AHI1: variants seen among roughly 807,000 people sequenced by gnomAD.
The protein encoded by AHI1 is jouberin.
A neutral mutation model predicts 149.3 loss-of-function variants in AHI1; 123 were observed. That is an observed-to-expected ratio of 0.82 (90% CI 0.71 to 0.96). AHI1 has a LOEUF of 0.96. AHI1 is among the 40% of genes least tolerant of loss of function. AHI1 has a pLI of 0.00. For synonymous variants in AHI1, 475 were observed against 459.8 expected, an observed-to-expected ratio of 1.03 and a Z score of -0.42; for missense variants, 1,439 against 1,422.7, an observed-to-expected ratio of 1.01 and a Z score of -0.18.
intron 16 of AHI1, among the ~76,000 whole-genome samples, chr6:135,431,651 C>T (rs940952100): frequency 1.3e-5 from 2 of 152,116 alleles, no homozygotes; most frequent in Non-Finnish European, 2.9e-5. Context: ...CGACATGTAA[C>T]ATTATTTCTC....
intron 24 of AHI1, among the ~76,000 whole-genome samples, chr6:135,328,957 A>G (rs1788123804): frequency 6.6e-6 from 1 of 152,168 alleles, no homozygotes; most frequent in South Asian, 2.1e-4. Flanking sequence ...CATTCTCTTA[A>G]GCCAAAATCC....
chr6:135,376,823 A>G (rs1242520781), intron 23 of AHI1, among the ~76,000 whole-genome samples: 1 of 141,792 alleles, frequency 7.1e-6, no homozygotes, highest in Non-Finnish European at 1.5e-5. Context: ...CAAAGGTTGC[A>G]GTGAGCTGAG....
chr6:135,356,660 ATTCT>A (rs773360900), intron 24 of AHI1, among the ~76,000 whole-genome samples: 2 of 152,194 alleles, frequency 1.3e-5, no homozygotes, highest in Non-Finnish European at 2.9e-5. Context: ...CTTAATTGCC[ATTCT>A]TTAATTTTTT....
At chr6:135,302,731 G>A (rs1393856212) in intron 26 of AHI1, 1 of 1,277,508 alleles carries the variant, frequency 7.8e-7, no homozygotes, top group Non-Finnish European at 1.0e-6. Flanking sequence ...GGTCTCAGCA[G>A]CAGCACGTCA....
At chr6:135,458,114 A>G (rs1789269974) in intron 8 of AHI1, among the ~76,000 whole-genome samples, 1 of 152,240 alleles carries the variant, frequency 6.6e-6, no homozygotes. Flanking sequence ...AGCCAAATAA[A>G]TTACAAATAT....
intron 23 of AHI1, among the ~76,000 whole-genome samples, chr6:135,361,645 T>TCTCA (rs1554293263): frequency 6.1e-4 from 82 of 133,904 alleles, no homozygotes; most frequent in Non-Finnish European, 1.1e-4. Flanking sequence ...AGGTATGGTT[T>TCTCA]CACACACACA....
At chr6:135,376,386 G>C (rs1451649430) in intron 23 of AHI1, among the ~76,000 whole-genome samples, 1 of 152,116 alleles carries the variant, frequency 6.6e-6, no homozygotes, top group East Asian at 1.9e-4. Context: ...TTTTTACAAT[G>C]AAGAGATCTG....
intron 23 of AHI1, among the ~76,000 whole-genome samples, chr6:135,374,109 T>TATATATATATATATATA (rs1491273878): frequency 3.1e-4 from 8 of 25,462 alleles, no homozygotes; most frequent in African/African-American, 3.9e-4. Flanking sequence ...TATATATATA[T>TATATATATATATATATA]TTTTTTTTTT....
intron 5 of AHI1, among the ~76,000 whole-genome samples, chr6:135,479,490 C>CTAT (rs1259404701): frequency 6.6e-6 from 1 of 152,212 alleles, no homozygotes; most frequent in Non-Finnish European, 1.5e-5. Flanking sequence ...TGCATGGGGC[C>CTAT]TATAGCCCCT....
chr6:135,481,517 T>G (rs1793638445), intron 5 of AHI1, among the ~76,000 whole-genome samples: 1 of 152,066 alleles, frequency 6.6e-6, no homozygotes, highest in African/African-American at 2.4e-5. Context: ...TCTTGACCAT[T>G]TTGGATTTCA....
chr6:135,395,378 T>C (rs1235391464), intron 22 of AHI1, among the ~76,000 whole-genome samples: 1 of 151,920 alleles, frequency 6.6e-6, no homozygotes, highest in East Asian at 1.9e-4. Context: ...TAACCTAGCT[T>C]GCCATGTGAA....
chr6:135,391,953 TG>T (rs1328483996), intron 23 of AHI1, among the ~76,000 whole-genome samples: 3 of 152,158 alleles, frequency 2.0e-5, no homozygotes, highest in African/African-American at 7.2e-5. Context: ...TGTGGAATAC[TG>T]GGATTAGGAA....
chr6:135,401,299 C>T (rs1445197030), intron 22 of AHI1, among the ~76,000 whole-genome samples: 3 of 152,040 alleles, frequency 2.0e-5, no homozygotes, highest in African/African-American at 7.2e-5. Flanking sequence ...TATTTGTTTC[C>T]TTTTAAGATT....
At chr6:135,388,109 T>C (rs1028986361) in intron 23 of AHI1, 1 of 1,490,536 alleles carries the variant, frequency 6.7e-7, no homozygotes, top group Non-Finnish European at 9.2e-7. Context: ...ATAAAAGACA[T>C]TTAAGGGCAT....
chr6:135,423,455 T>A (rs1010149832), intron 20 of AHI1, among the ~76,000 whole-genome samples: 2 of 152,178 alleles, frequency 1.3e-5, no homozygotes, highest in African/African-American at 4.8e-5. Flanking sequence ...TAAAGGTACA[T>A]GTTGCCCTGA....
At chr6:135,421,173 C>A (rs998749080) in intron 20 of AHI1, among the ~76,000 whole-genome samples, 2 of 152,016 alleles carry the variant, frequency 1.3e-5, no homozygotes, top group Admixed American at 6.6e-5. Flanking sequence ...TACAATGTAA[C>A]ATCAAAAAGC....
At chr6:135,482,894 C>CTTTGTTTTTTTTTTTTT (rs1793901897) in intron 5 of AHI1, among the ~76,000 whole-genome samples, 1 of 55,734 alleles carries the variant, frequency 1.8e-5, no homozygotes, top group Non-Finnish European at 2.8e-5. Flanking sequence ...CCATTTAAGG[C>CTTTGTTTTTTTTTTTTT]TTTTTTTTTT....
At position 135,466,091 on chromosome 6, in the gene AHI1, G is replaced by GT; in HGVS notation, c.471dup (p.His158ThrfsTer9). On this transcript the variant is annotated frameshift_variant, in exon 7 of 29. Transcript: ENST00000265602. LOFTEE classifies it high-confidence loss of function. ...TCAACGCCTGGCTGTGGCTTTGTAT[G>GT]TGTTTTCTGGTGTGTAGAATCAACC... 6.2e-7 allele frequency: 1 copy of GT among 1,613,882 alleles called. No homozygotes were observed. The highest frequency in any genetic ancestry group is 8.5e-7 in the Non-Finnish European group (1 of 1,179,862).
intron 26 of AHI1, among the ~76,000 whole-genome samples, chr6:135,311,748 T>C (rs1348772665): frequency 6.6e-6 from 1 of 152,256 alleles, no homozygotes; most frequent in Non-Finnish European, 1.5e-5. Flanking sequence ...TCCTTCCTGA[T>C]AATACTTATA....
Sources: gnomAD v4.1 joint callset for allele counts (sites outside exome capture counted in the v4.1 genomes callset) on GRCh38, gnomAD v4.1.1 for gene constraint, MANE v1.5 for transcripts, NCBI Gene and HGNC (gene_info 2026-07-23, HGNC 2026-07-21) for gene names.